The following KCNH8 variants were observed in gnomAD, a reference collection of about 807,000 sequenced individuals.
KCNH8 encodes potassium voltage-gated channel subfamily H member 8.
Under a neutral mutation model 103.6 loss-of-function variants are expected in KCNH8, and 70 were observed. That is an observed-to-expected ratio of 0.68 (90% CI 0.56 to 0.82). KCNH8 has a LOEUF of 0.82. Among genes scored for constraint, KCNH8 ranks in the 40% least tolerant of loss-of-function variants. The pLI is 0.00. For synonymous variants in KCNH8, 498 were observed against 489.4 expected (o/e 1.02, Z -0.23); for missense variants, 1,217 against 1,329.9 (o/e 0.92, Z 1.32).
intron 1 of KCNH8, among the ~76,000 whole-genome samples, chr3:19,245,734 A>G (rs2064196063): frequency 6.6e-6 from 1 of 152,042 alleles, no homozygotes; most frequent in African/African-American, 2.4e-5. Context: ...TCTTGATTTG[A>G]CTGTCAGCCT....
intron 7 of KCNH8, among the ~76,000 whole-genome samples, chr3:19,404,162 C>A (rs2066657319): frequency 6.6e-6 from 1 of 151,924 alleles, no homozygotes; most frequent in Non-Finnish European, 1.5e-5. Context: ...TATCCTGTTG[C>A]TTTTTCTGTA....
intron 12 of KCNH8, 23 bp from the exon 13 acceptor site, chr3:19,512,947 A>G: frequency 6.2e-7 from 1 of 1,602,796 alleles, no homozygotes; most frequent in Non-Finnish European, 8.5e-7. Flanking sequence ...GTCTGTACTA[A>G]TTTATATTAT....
chr3:19,486,123 A>G (rs2068202133), intron 11 of KCNH8, among the ~76,000 whole-genome samples: 1 of 152,188 alleles, frequency 6.6e-6, no homozygotes, highest in Non-Finnish European at 1.5e-5. Flanking sequence ...TTGTGGGTTG[A>G]TGAAGCTGCT....
chr3:19,486,395 G>A (rs2068209904), intron 11 of KCNH8, among the ~76,000 whole-genome samples: 1 of 152,232 alleles, frequency 6.6e-6, no homozygotes, highest in South Asian at 2.1e-4. Context: ...GGTTACCACA[G>A]CATGGGGGGC....
intron 3 of KCNH8, among the ~76,000 whole-genome samples, chr3:19,313,242 A>G (rs975376741): frequency 6.6e-6 from 1 of 151,718 alleles, no homozygotes; most frequent in Non-Finnish European, 1.5e-5. Flanking sequence ...TGAGGACAGC[A>G]TTTCTCTATT....
intron 1 of KCNH8, among the ~76,000 whole-genome samples, chr3:19,197,866 GGAAA>G (rs1184807976): frequency 6.6e-6 from 1 of 151,616 alleles, no homozygotes; most frequent in African/African-American, 2.4e-5. Context: ...AGTTATTTGT[GGAAA>G]GAAATAATTT....
intron 3 of KCNH8, among the ~76,000 whole-genome samples, chr3:19,288,914 T>A (rs1006756768): frequency 3.3e-5 from 5 of 152,182 alleles, no homozygotes; most frequent in African/African-American, 7.2e-5. Context: ...TTTTTAATGA[T>A]TGCCATTCTA....
chr3:19,448,829 A>T, intron 8 of KCNH8: 2 of 380,510 alleles, frequency 5.3e-6, no homozygotes, highest in Admixed American at 5.4e-5. Flanking sequence ...TTCATTCCTA[A>T]TCCTGTCCCA....
At chr3:19,385,643 T>A (rs2066346730) in intron 5 of KCNH8, among the ~76,000 whole-genome samples, 1 of 152,216 alleles carries the variant, frequency 6.6e-6, no homozygotes, top group South Asian at 2.1e-4. Context: ...TCTTATCCAC[T>A]AATATTGGCA....
At chr3:19,352,597 C>G (rs571427499) in intron 5 of KCNH8, among the ~76,000 whole-genome samples, 2 of 152,158 alleles carry the variant, frequency 1.3e-5, no homozygotes, top group African/African-American at 2.4e-5. Context: ...AACCACTCGA[C>G]TACATGGAAA....
chr3:19,406,425 A>G (rs2066692353), intron 7 of KCNH8, among the ~76,000 whole-genome samples: 1 of 152,104 alleles, frequency 6.6e-6, no homozygotes, highest in Non-Finnish European at 1.5e-5. Flanking sequence ...AGAGAAACCA[A>G]CCACTCTCCA....
intron 5 of KCNH8, among the ~76,000 whole-genome samples, chr3:19,375,953 C>G (rs566944937): frequency 1.1e-4 from 17 of 152,270 alleles, no homozygotes; most frequent in South Asian, 6.2e-4. Flanking sequence ...GCAGTCTGCC[C>G]GTTCTCAGAT....
At chr3:19,170,480 G>A (rs2063329691) in intron 1 of KCNH8, among the ~76,000 whole-genome samples, 1 of 151,054 alleles carries the variant, frequency 6.6e-6, no homozygotes, top group Non-Finnish European at 1.5e-5. Context: ...AGAGATTTGG[G>A]GAACAATGTG....
At chr3:19,376,098 A>T (rs2066194432) in intron 5 of KCNH8, among the ~76,000 whole-genome samples, 1 of 152,328 alleles carries the variant, frequency 6.6e-6, no homozygotes, top group East Asian at 1.9e-4. Context: ...AGAGGCAGGC[A>T]GGCCTCCTTG....
At chr3:19,336,178 G>A (rs920205159) in intron 3 of KCNH8, among the ~76,000 whole-genome samples, 1 of 151,216 alleles carries the variant, frequency 6.6e-6, no homozygotes, top group Admixed American at 6.6e-5. Flanking sequence ...ATACATTTTA[G>A]GTATTAATTT....
At chr3:19,255,143 A>G (rs1285807150) in intron 2 of KCNH8, among the ~76,000 whole-genome samples, 1 of 152,164 alleles carries the variant, frequency 6.6e-6, no homozygotes, top group East Asian at 1.9e-4. Context: ...GAAAGACCAC[A>G]TGAAAATACA....
At chr3:19,240,925 C>G (rs940014887) in intron 1 of KCNH8, among the ~76,000 whole-genome samples, 1 of 152,192 alleles carries the variant, frequency 6.6e-6, no homozygotes, top group East Asian at 1.9e-4. Flanking sequence ...TCATTGGTAT[C>G]GCTCTGGTCC....
chr3:19,495,443 A>G (rs924477557), intron 11 of KCNH8, among the ~76,000 whole-genome samples: 6 of 151,422 alleles, frequency 4.0e-5, no homozygotes, highest in African/African-American at 4.8e-5. Flanking sequence ...CACCATTTAC[A>G]CCACTTATTG....
intron 11 of KCNH8, among the ~76,000 whole-genome samples, chr3:19,498,630 C>T (rs998213368): frequency 9.9e-5 from 15 of 152,212 alleles, no homozygotes; most frequent in East Asian, 1.9e-4. Context: ...TGAGGAACTG[C>T]GTTCCTTTGG....
Sources: allele counts gnomAD v4.1 joint callset (sites outside exome capture counted in the v4.1 genomes callset), GRCh38; gene constraint gnomAD v4.1.1; transcripts MANE v1.5; gene names NCBI Gene and HGNC (gene_info 2026-07-23, HGNC 2026-07-21).